SNCAIP: variants seen among roughly 807,000 people sequenced by gnomAD.
The protein encoded by SNCAIP is synuclein alpha interacting protein.
A neutral mutation model predicts 86.7 loss-of-function variants in SNCAIP; 43 were observed. The ratio of observed to expected loss-of-function variants is 0.50; its 90% confidence interval spans 0.39 to 0.64. The LOEUF (loss-of-function observed/expected upper bound fraction) is 0.64, where lower values mean the gene tolerates loss of function less well. Among genes scored for constraint, SNCAIP ranks in the 30% least tolerant of loss-of-function variants. The probability of loss-of-function intolerance (pLI) is 0.00; values close to 1 mark genes in which losing one functional copy is unlikely to be tolerated. For synonymous variants in SNCAIP, 417 were observed against 427.2 expected (o/e 0.98, Z 0.29); for missense variants, 981 against 1,103.1 (o/e 0.89, Z 1.57).
intron 1 of SNCAIP, among the ~76,000 whole-genome samples, chr5:122,375,229 G>C (rs1439183853): frequency 6.6e-6 from 1 of 151,862 alleles, no homozygotes; most frequent in Non-Finnish European, 1.5e-5. Context: ...TTATCAAATT[G>C]GTACATTTAC....
In SNCAIP at chr5:122,403,798, A is replaced by G. The variant is rs923714894; in HGVS notation, c.63A>G (p.Ser21=). The change falls in exon 3 of 11, where the codon TCA becomes TCG. Residue 21 remains serine (S), a synonymous_variant. Transcript: ENST00000261368. ...TTCTCTGGCTTCCCGTTCAGTATTC[A>G]GTCACATCACTCAAGACGATCCCAG... ...EIDFSDDISY[S]VTSLKTIPEL... The G allele has an allele frequency of 6.2e-7, 1 of 1,612,816 alleles. No homozygotes were observed. The highest frequency in any genetic ancestry group is 1.1e-5 in the South Asian group (1 of 91,064).
At chr5:122,353,174 T>C (rs1760225902) in intron 1 of SNCAIP, among the ~76,000 whole-genome samples, 1 of 152,104 alleles carries the variant, frequency 6.6e-6, no homozygotes, top group Non-Finnish European at 1.5e-5. Context: ...TGGATAAGTC[T>C]TCCAAATATT....
In SNCAIP at chr5:122,423,435, C is replaced by G. The variant is rs1394307685; in HGVS notation, c.698C>G (p.Thr233Ser). Residue 233 changes from threonine (T) to serine (S), a missense_variant, in exon 4 of 11, where the codon ACT (threonine) becomes AGT (serine). Coordinates refer to ENST00000261368, the MANE Select transcript of SNCAIP (RefSeq NM_005460.4). ...ATCCACGACCAGCACAAGCTGTCCA[C>G]TGAAGAAACCGAGATCTCACCTCCT... Reference protein sequence around the residue: ...AVIHDQHKLSTEETEISPPLV... With the variant: ...AVIHDQHKLSSEETEISPPLV... 1 of 1,613,616 alleles carries G rather than the reference C, an allele frequency of 6.2e-7. No individual in the cohort carries two copies. Among genetic ancestry groups the G allele is most frequent in the Non-Finnish European group, 8.5e-7 (1 of 1,179,880 alleles).
At chr5:122,440,523 A>T in intron 6 of SNCAIP, 106 bp from the exon 7 acceptor site, 1 of 1,063,020 alleles carries the variant, frequency 9.4e-7, no homozygotes, top group Non-Finnish European at 1.5e-6. Context: ...TACGGTAAGC[A>T]TGGTTTTACC....
intron 1 of SNCAIP, among the ~76,000 whole-genome samples, chr5:122,385,605 CG>C (rs1459575323): frequency 6.6e-6 from 1 of 151,656 alleles, no homozygotes; most frequent in Non-Finnish European, 1.5e-5. Context: ...AGCCCAATAT[CG>C]ATGTTCAGGC....
chr5:122,448,067 T>C (rs1237115390), intron 8 of SNCAIP, among the ~76,000 whole-genome samples: 1 of 152,180 alleles, frequency 6.6e-6, no homozygotes, highest in East Asian at 1.9e-4. Context: ...TAGAAGAGTA[T>C]TAGCAGGATC....
chr5:122,389,438 C>T (rs751939202), intron 1 of SNCAIP: 3 of 152,132 alleles, frequency 2.0e-5, no homozygotes, highest in East Asian at 3.9e-4. Context: ...CTAGTGAACA[C>T]GCTAGTATCC....
intron 3 of SNCAIP, among the ~76,000 whole-genome samples, chr5:122,413,816 G>A (rs577953444): frequency 6.6e-5 from 10 of 152,120 alleles, no homozygotes; most frequent in East Asian, 1.9e-4. Context: ...ACAGATTACC[G>A]GTGATAAAAT....
intron 1 of SNCAIP, among the ~76,000 whole-genome samples, chr5:122,356,521 A>T (rs1761054327): frequency 6.6e-6 from 1 of 152,238 alleles, no homozygotes; most frequent in Non-Finnish European, 1.5e-5. Context: ...TTATTTATAT[A>T]CATTCACACA....
At chr5:122,416,212 A>G (rs905110647) in intron 3 of SNCAIP, among the ~76,000 whole-genome samples, 8 of 152,330 alleles carry the variant, frequency 5.3e-5, no homozygotes, top group South Asian at 2.1e-4. Flanking sequence ...AATTCTGGGC[A>G]GAGCTGGGAA....
chr5:122,450,400 A>C (rs1783479582), intron 9 of SNCAIP, 133 bp from the exon 10 acceptor site: 1 of 771,784 alleles, frequency 1.3e-6, no homozygotes, highest in Non-Finnish European at 2.3e-6. Flanking sequence ...TGTTTCGAAA[A>C]GAAATTATGT....
intron 8 of SNCAIP, among the ~76,000 whole-genome samples, chr5:122,448,943 G>A (rs1444551202): frequency 1.3e-5 from 2 of 150,982 alleles, no homozygotes; most frequent in African/African-American, 4.9e-5. Flanking sequence ...GTGAACCCGG[G>A]AGGCGGAGCT....
intron 6 of SNCAIP, among the ~76,000 whole-genome samples, chr5:122,435,672 G>A (rs1204575158): frequency 1.3e-5 from 2 of 151,832 alleles, no homozygotes; most frequent in African/African-American, 2.4e-5. Context: ...TTTTTTAAGG[G>A]CACTTTTTGA....
intron 1 of SNCAIP, among the ~76,000 whole-genome samples, chr5:122,317,088 A>AT (rs11413971): frequency 0.19 from 28,721 of 152,186 alleles, 2,765 homozygotes; most frequent in South Asian, 0.3. Context: ...GCTTTTCATT[A>AT]TAAGTGTAGA....
At chr5:122,456,924 T>G (rs1784887033) in intron 10 of SNCAIP, among the ~76,000 whole-genome samples, 2 of 152,244 alleles carry the variant, frequency 1.3e-5, no homozygotes, top group South Asian at 4.1e-4. Context: ...AAGTATTTAG[T>G]AAAGTAGTTG....
At chr5:122,369,061 G>C (rs1385174762) in intron 1 of SNCAIP, among the ~76,000 whole-genome samples, 1 of 152,154 alleles carries the variant, frequency 6.6e-6, no homozygotes, top group African/African-American at 2.4e-5. Context: ...TCTCAAGAAG[G>C]CAAGCACTCC....
intron 1 of SNCAIP, among the ~76,000 whole-genome samples, chr5:122,325,603 C>T (rs1027244115): frequency 6.6e-6 from 1 of 152,180 alleles, no homozygotes; most frequent in Admixed American, 6.5e-5. Context: ...AGTATGCCAT[C>T]TATTTTCTTT....
At chr5:122,345,690 TTTG>T (rs148446884) in intron 1 of SNCAIP, among the ~76,000 whole-genome samples, 39,754 of 151,564 alleles carry the variant, frequency 0.26, 6,083 homozygotes, top group African/African-American at 0.43. Flanking sequence ...AGTCAGGGGA[TTTG>T]TTGTTGTTGT....
chr5:122,462,936 A>G (rs1459063868), intron 10 of SNCAIP, among the ~76,000 whole-genome samples: 2 of 152,174 alleles, frequency 1.3e-5, no homozygotes, highest in Non-Finnish European at 2.9e-5. Flanking sequence ...TTTCCCGCAG[A>G]CTTAGCAGGT....
Sources: gnomAD v4.1 joint callset for allele counts (sites outside exome capture counted in the v4.1 genomes callset) on GRCh38, gnomAD v4.1.1 for gene constraint, MANE v1.5 for transcripts, NCBI Gene and HGNC (gene_info 2026-07-23, HGNC 2026-07-21) for gene names.